The following DDX4 variants were observed in gnomAD, a reference collection of about 807,000 sequenced individuals.
DDX4 encodes DEAD-box helicase 4.
Under a neutral mutation model 100.0 loss-of-function variants are expected in DDX4, and 25 were observed. That is an observed-to-expected ratio of 0.25 (90% confidence interval 0.18 to 0.35). DDX4 has a LOEUF of 0.35. Among genes scored for constraint, DDX4 ranks in the 10% least tolerant of loss-of-function variants. The pLI is 1.00. For synonymous variants in DDX4, 259 were observed against 275.7 expected (o/e 0.94, Z 0.60); for missense variants, 635 against 882.4 (o/e 0.72, Z 3.55).
chr5:55,767,985 C>G, intron 7 of DDX4, 45 bp downstream of exon 7: 1 of 1,538,974 alleles, frequency 6.5e-7, no homozygotes, highest in East Asian at 2.2e-5. Context: ...CACAGAGACA[C>G]TAAACTGGTA....
intron 17 of DDX4, among the ~76,000 whole-genome samples, chr5:55,797,220 A>G (rs1218513446): frequency 6.6e-6 from 1 of 152,140 alleles, no homozygotes; most frequent in Non-Finnish European, 1.5e-5. Context: ...GAAACTGTTT[A>G]AGTCACTTTG....
chr5:55,742,690 G>T (rs747562340), intron 2 of DDX4, among the ~76,000 whole-genome samples: 1 of 152,114 alleles, frequency 6.6e-6, no homozygotes, highest in Non-Finnish European at 1.5e-5. Flanking sequence ...ATTTTAAGAG[G>T]TAAGCTAAAG....
chr5:55,813,555 C>T, intron 18 of DDX4, 118 bp from the exon 19 acceptor site: 3 of 1,339,712 alleles, frequency 2.2e-6, no homozygotes, highest in Non-Finnish European at 1.9e-6. Flanking sequence ...GGCTGTGGTG[C>T]TGGTAGTAAA....
chr5:55,738,543 TC>T (rs1272033358), intron 1 of DDX4, among the ~76,000 whole-genome samples: 2 of 148,846 alleles, frequency 1.3e-5, no homozygotes, highest in Non-Finnish European at 3.0e-5. Context: ...AAAGCAAACA[TC>T]CTATCCACCT....
intron 6 of DDX4, among the ~76,000 whole-genome samples, chr5:55,766,045 C>T (rs1471877915): frequency 7.3e-5 from 11 of 151,032 alleles, no homozygotes; most frequent in African/African-American, 2.7e-4. Flanking sequence ...TCTCAAACTC[C>T]TGACCTCACG....
intron 18 of DDX4, among the ~76,000 whole-genome samples, chr5:55,808,620 T>G (rs1338824654): frequency 6.6e-6 from 1 of 152,254 alleles, no homozygotes; most frequent in Admixed American, 6.5e-5. Context: ...CAGCGGAGGC[T>G]GCAGAACAGC....
At chr5:55,779,253 G>C (rs1473935889) in intron 7 of DDX4, among the ~76,000 whole-genome samples, 1 of 152,094 alleles carries the variant, frequency 6.6e-6, no homozygotes, top group African/African-American at 2.4e-5. Flanking sequence ...TTTTTGAAGA[G>C]TTTTGTTTCA....
rs373597494 is a variant in DDX4, at chr5:55,786,117, A to G, written c.864+246A>G. On this transcript the variant is annotated intron_variant, in intron 13 of 21. Coordinates refer to ENST00000505374, the MANE Select transcript of DDX4 (RefSeq NM_024415.3). Reference sequence around the variant, plus strand: ...AATTTTATTTAAACTTACTTAAAAAATGCTTTTCCTAGTGATTCAAGATGT... The same window carrying G: ...AATTTTATTTAAACTTACTTAAAAAGTGCTTTTCCTAGTGATTCAAGATGT... 1.7e-3 allele frequency among the ~76,000 whole-genome samples: 253 copies of G among 152,296 alleles called. 1 individual carries two copies. The highest frequency in any genetic ancestry group is 5.9e-3 in the African/African-American group (245 of 41,568).
Position 55,779,997 on chromosome 5 carries a change from G to A in DDX4, c.428G>A (p.Gly143Glu). The A allele has an allele frequency of 6.2e-7, 1 of 1,613,902 alleles. No individual in the cohort carries two copies. The highest frequency in any genetic ancestry group is 8.5e-7 in the Non-Finnish European group (1 of 1,179,930). ...GATGGAAATAATTCAGAAGCTTCAG[G>A]GCCATACAGAAGAGGTGGAAGAGGT... ...YRDGNNSEAS[G>E]PYRRGGRGSF... The change falls in exon 8 of 22, where the codon GGG becomes GAG. Residue 143 changes from glycine to glutamate, a missense_variant. Coordinates refer to ENST00000505374, the MANE Select transcript of DDX4 (RefSeq NM_024415.3).
At chr5:55,748,898 A>C (rs1449840927) in intron 3 of DDX4, among the ~76,000 whole-genome samples, 1 of 152,136 alleles carries the variant, frequency 6.6e-6, no homozygotes, top group African/African-American at 2.4e-5. Flanking sequence ...TTTTATAAAT[A>C]CTTGTCTTGT....
At chr5:55,779,355 A>G (rs546050705) in intron 7 of DDX4, among the ~76,000 whole-genome samples, 3 of 152,200 alleles carry the variant, frequency 2.0e-5, no homozygotes, top group African/African-American at 7.2e-5. Context: ...TTAAGTATAA[A>G]TAGTTGCAAG....
At chr5:55,755,098 C>G (rs1353673211) in intron 3 of DDX4, among the ~76,000 whole-genome samples, 6 of 152,056 alleles carry the variant, frequency 3.9e-5, no homozygotes, top group African/African-American at 1.4e-4. Context: ...CCAGCACCAT[C>G]TAAGCATTCT....
intron 7 of DDX4, among the ~76,000 whole-genome samples, chr5:55,776,626 A>G (rs1371897674): frequency 6.6e-6 from 1 of 152,238 alleles, no homozygotes; most frequent in East Asian, 1.9e-4. Flanking sequence ...TAGTATATTC[A>G]GAATGCTGAA....
chr5:55,811,043 C>A, intron 18 of DDX4, among the ~76,000 whole-genome samples: 1 of 147,472 alleles, frequency 6.8e-6, no homozygotes, highest in Non-Finnish European at 1.5e-5. Context: ...TTTAAACAGA[C>A]CTAATAAAGT....
intron 17 of DDX4, among the ~76,000 whole-genome samples, chr5:55,794,642 G>A (rs545379736): frequency 6.2e-4 from 94 of 152,284 alleles, no homozygotes; most frequent in African/African-American, 2.0e-3. Context: ...AATGGCAAAC[G>A]TACTATTGTC....
intron 4 of DDX4, among the ~76,000 whole-genome samples, chr5:55,760,925 T>C (rs1296708104): frequency 6.6e-6 from 1 of 152,150 alleles, no homozygotes; most frequent in African/African-American, 2.4e-5. Flanking sequence ...TTTTTTATCT[T>C]TTAGGGGATG....
intron 18 of DDX4, among the ~76,000 whole-genome samples, chr5:55,808,478 C>G (rs1052149349): frequency 6.6e-6 from 1 of 152,112 alleles, no homozygotes; most frequent in Admixed American, 6.5e-5. Flanking sequence ...ATGATGGTGA[C>G]GTACAGATGG....
At chr5:55,750,589 ATTGT>A (rs1257294607) in intron 3 of DDX4, among the ~76,000 whole-genome samples, 2 of 152,034 alleles carry the variant, frequency 1.3e-5, no homozygotes, top group Non-Finnish European at 2.9e-5. Flanking sequence ...GATAGTATAG[ATTGT>A]TTGGCAATTT....
intron 3 of DDX4, among the ~76,000 whole-genome samples, chr5:55,758,433 TTCTC>T (rs1026990925): frequency 6.6e-6 from 1 of 152,158 alleles, no homozygotes; most frequent in Non-Finnish European, 1.5e-5. Context: ...GGTGAGTAAT[TTCTC>T]TGTTTCCTGG....
Sources: gnomAD v4.1 joint callset for allele counts (sites outside exome capture counted in the v4.1 genomes callset) on GRCh38, gnomAD v4.1.1 for gene constraint, MANE v1.5 for transcripts, NCBI Gene and HGNC (gene_info 2026-07-23, HGNC 2026-07-21) for gene names.